The following RALYL variants were observed in gnomAD, a reference collection of about 807,000 sequenced individuals.
The protein encoded by RALYL is RALY RNA binding protein like, also known as RNA-binding Raly-like protein.
In RALYL, 29 loss-of-function variants were observed where a neutral mutation model predicts 35.1. The ratio of observed to expected loss-of-function variants is 0.83; its 90% CI spans 0.61 to 1.13. The LOEUF is 1.13. Ranked by LOEUF, RALYL falls within the 50% of genes most tolerant of loss-of-function variation. The pLI is 0.00. For missense variants in RALYL, 359 were observed against 360.4 expected, an observed-to-expected ratio of 1.00 and a Z score of 0.03; for synonymous variants, 120 against 127.6, an observed-to-expected ratio of 0.94 and a Z score of 0.40.
intron 5 of RALYL, among the ~76,000 whole-genome samples, chr8:84,852,164 A>C (rs1252635718): frequency 6.6e-6 from 1 of 152,314 alleles, no homozygotes; most frequent in East Asian, 1.9e-4. Flanking sequence ...GGGCAATATC[A>C]GCCTATGGAG....
intron 4 of RALYL, among the ~76,000 whole-genome samples, chr8:84,844,296 A>G (rs1390950536): frequency 6.6e-6 from 1 of 152,216 alleles, no homozygotes; most frequent in Non-Finnish European, 1.5e-5. Flanking sequence ...ACCTCATCAA[A>G]AAGTGGGCAA....
intron 4 of RALYL, among the ~76,000 whole-genome samples, chr8:84,824,833 C>T (rs189113522): frequency 8.7e-4 from 133 of 152,168 alleles, no homozygotes; most frequent in Middle Eastern, 3.4e-3. Context: ...AATCTGGACC[C>T]CTACCTTTCA....
intron 1 of RALYL, among the ~76,000 whole-genome samples, chr8:84,360,489 T>C (rs1028427369): frequency 5.3e-5 from 8 of 152,210 alleles, no homozygotes; most frequent in Non-Finnish European, 1.0e-4. Context: ...AAAGTTCTAA[T>C]GTGTTATTCA....
At chr8:84,422,671 C>A (rs1220734370) in intron 1 of RALYL, among the ~76,000 whole-genome samples, 2 of 143,730 alleles carry the variant, frequency 1.4e-5, no homozygotes, top group African/African-American at 5.2e-5. Flanking sequence ...TTCCTGCTTT[C>A]TCTTGTGGGC....
At chr8:84,526,494 T>A (rs370285041) in intron 1 of RALYL, among the ~76,000 whole-genome samples, 1 of 152,214 alleles carries the variant, frequency 6.6e-6, no homozygotes, top group Non-Finnish European at 1.5e-5. Context: ...TGAATGATTC[T>A]TGGCCTTCTG....
chr8:84,900,759 C>A (rs1236261516), intron 8 of RALYL, among the ~76,000 whole-genome samples: 1 of 151,968 alleles, frequency 6.6e-6, no homozygotes, highest in Non-Finnish European at 1.5e-5. Flanking sequence ...AATTTACAAG[C>A]ATGTAAGGTA....
Position 84,722,617 on chromosome 8 carries a change from T to TATATATATATATATATA in RALYL, c.257-51962_257-51961insATATATATATATATATA, listed in dbSNP as rs1554546342. On this transcript the variant is annotated intron_variant, in intron 2 of 8. Coordinates refer to ENST00000521268, the MANE Select transcript of RALYL (RefSeq NM_173848.7). ...AGGTCAGTATATTCCTAGAGTGATT[T>TATATATATATATATATA]TATATATATATATATATATATATAT... Among the ~76,000 whole-genome samples the TATATATATATATATATA allele has an allele frequency of 2.4e-3, 233 of 97,286 alleles. 8 individuals carry two copies. The highest frequency in any genetic ancestry group is 4.6e-3 in the African/African-American group (88 of 19,204). 63.8% of individuals were successfully genotyped at this position (97,286 alleles called of 152,430 possible). A position where few individuals can be genotyped will look rare whatever the true frequency, so the allele number is the denominator to read the frequency against.
intron 2 of RALYL, among the ~76,000 whole-genome samples, chr8:84,765,097 T>G (rs1042629943): frequency 6.6e-6 from 1 of 152,148 alleles, no homozygotes; most frequent in Non-Finnish European, 1.5e-5. Context: ...GCCAGGAAAT[T>G]GCAGGCAGCA....
intron 2 of RALYL, among the ~76,000 whole-genome samples, chr8:84,545,661 T>G (rs932958753): frequency 6.6e-5 from 10 of 152,298 alleles, no homozygotes; most frequent in African/African-American, 2.4e-4. Context: ...TTTAATACAT[T>G]CTTTTAAATT....
At chr8:84,343,783 C>A (rs986158040) in intron 1 of RALYL, among the ~76,000 whole-genome samples, 1 of 151,920 alleles carries the variant, frequency 6.6e-6, no homozygotes, top group African/African-American at 2.4e-5. Flanking sequence ...GCATGAGCCA[C>A]CACACTGGGC....
chr8:84,897,366 A>C (rs1440341578), intron 8 of RALYL, among the ~76,000 whole-genome samples: 1 of 152,210 alleles, frequency 6.6e-6, no homozygotes, highest in Non-Finnish European at 1.5e-5. Flanking sequence ...TTGTTAAAAA[A>C]GCACTTCTTA....
intron 1 of RALYL, among the ~76,000 whole-genome samples, chr8:84,262,494 T>A (rs1306249834): frequency 6.6e-6 from 1 of 152,162 alleles, no homozygotes; most frequent in African/African-American, 2.4e-5. Context: ...AAATAAAAAG[T>A]GAATAAAACT....
At chr8:84,736,910 T>G (rs1847416023) in intron 2 of RALYL, among the ~76,000 whole-genome samples, 1 of 152,090 alleles carries the variant, frequency 6.6e-6, no homozygotes, top group Non-Finnish European at 1.5e-5. Flanking sequence ...CATTGTGTTT[T>G]CTTTTCCTAA....
At chr8:84,424,837 G>T (rs1356651713) in intron 1 of RALYL, among the ~76,000 whole-genome samples, 73 of 151,988 alleles carry the variant, frequency 4.8e-4, no homozygotes. Flanking sequence ...CCCCTGCTGG[G>T]GGGTGCCTCC....
At chr8:84,572,527 G>T (rs1808260147) in intron 2 of RALYL, among the ~76,000 whole-genome samples, 2 of 151,714 alleles carry the variant, frequency 1.3e-5, no homozygotes, top group Non-Finnish European at 3.0e-5. Context: ...GTCTGGGAAA[G>T]ACTTAACTTA....
chr8:84,839,269 C>T (rs1027156366), intron 4 of RALYL, among the ~76,000 whole-genome samples: 1 of 152,238 alleles, frequency 6.6e-6, no homozygotes, highest in Non-Finnish European at 1.5e-5. Flanking sequence ...CACTCCCACC[C>T]TAATACTGCG....
At chr8:84,460,907 A>G (rs1385095776) in intron 1 of RALYL, among the ~76,000 whole-genome samples, 2 of 151,642 alleles carry the variant, frequency 1.3e-5, no homozygotes, top group Non-Finnish European at 3.0e-5. Flanking sequence ...AGGGAAGAAA[A>G]AAATTACACA....
chr8:84,217,084 A>G (rs1821010867), intron 1 of RALYL, among the ~76,000 whole-genome samples: 1 of 152,152 alleles, frequency 6.6e-6, no homozygotes, highest in Non-Finnish European at 1.5e-5. Context: ...CTCATCCCTG[A>G]ACACAGCTTA....
intron 2 of RALYL, among the ~76,000 whole-genome samples, chr8:84,649,577 G>A (rs1828253189): frequency 6.6e-6 from 1 of 152,074 alleles, no homozygotes; most frequent in Non-Finnish European, 1.5e-5. Flanking sequence ...GTTTGTCAAG[G>A]ATCAGATAGT....
Sources: gnomAD v4.1 joint callset for allele counts (sites outside exome capture counted in the v4.1 genomes callset) on GRCh38, gnomAD v4.1.1 for gene constraint, MANE v1.5 for transcripts, NCBI Gene and HGNC (gene_info 2026-07-23, HGNC 2026-07-21) for gene names.